Variants in IMPA2 observed in about 807,000 individuals in gnomAD.
IMPA2 encodes inositol monophosphatase 2.
Under a neutral mutation model 35.1 loss-of-function variants are expected in IMPA2, and 32 were observed. The ratio of observed to expected loss-of-function variants is 0.91; its 90% confidence interval spans 0.69 to 1.23. The LOEUF is 1.23. Ranked by LOEUF, IMPA2 falls within the 50% of genes most tolerant of loss-of-function variation. IMPA2 has a pLI of 0.00. For synonymous variants in IMPA2, 135 were observed against 160.6 expected (o/e 0.84, Z 1.20); for missense variants, 334 against 387.6 (o/e 0.86, Z 1.16).
At chr18:11,983,406 A>G (rs1906562426) in intron 1 of IMPA2, among the ~76,000 whole-genome samples, 2 of 152,226 alleles carry the variant, frequency 1.3e-5, no homozygotes, top group Admixed American at 6.5e-5. Context: ...AAGCCAGCTT[A>G]GGATTCAGAC....
Position 11,999,257 on chromosome 18 carries a change from G to T in IMPA2, c.230+70G>T. 2.1e-6 allele frequency: 3 copies of T among 1,463,016 alleles called. No individual in the cohort carries two copies. In the Admixed American group the frequency reaches 6.3e-5, roughly 31 times the overall value. The allele number at this position is 1,463,016 out of a possible 1,614,324, so 90.6% of individuals were successfully genotyped here. A position where few individuals can be genotyped will look rare whatever the true frequency, so the allele number is the denominator to read the frequency against. Reference sequence around the variant, plus strand: ...ACTCATAGAGAATGCAGGGTCTGCCGGGGTCAGGGGGCTCTGCTGTTTGTT... The same window carrying T: ...ACTCATAGAGAATGCAGGGTCTGCCTGGGTCAGGGGGCTCTGCTGTTTGTT... On this transcript the variant is annotated intron_variant, in intron 2 of 7. Transcript: ENST00000269159.
chr18:12,030,251 C>G, intron 7 of IMPA2, 92 bp from the exon 8 acceptor site: 1 of 906,226 alleles, frequency 1.1e-6, no homozygotes, highest in Non-Finnish European at 1.8e-6. Flanking sequence ...GTGCCATTTC[C>G]TGTGCTGTGT....
chr18:12,005,509 A>G (rs910532779), intron 2 of IMPA2, among the ~76,000 whole-genome samples: 8 of 152,232 alleles, frequency 5.3e-5, no homozygotes, highest in African/African-American at 1.7e-4. Flanking sequence ...AAAATTTCTA[A>G]AAGTACTTGC....
At position 12,020,593 on chromosome 18, in the gene IMPA2, A is replaced by G. The variant is rs1469962926; in HGVS notation, c.490+6220A>G. ...TTGTTTTTTGTCTTCTGGGACTTGA[A>G]TGTATGTTGGGCTTTCACTATCATT... is the stretch of plus-strand genomic sequence containing the variant. On this transcript the variant is annotated intron_variant, in intron 5 of 7. Transcript: ENST00000269159. Among the ~76,000 whole-genome samples, 3 of 152,052 alleles carry G rather than the reference A, an allele frequency of 2.0e-5. No homozygotes were observed. The South Asian group carries it at 6.2e-4, about 32-fold the overall frequency.
chr18:11,993,492 G>A (rs1175823965), intron 1 of IMPA2, among the ~76,000 whole-genome samples: 2 of 152,202 alleles, frequency 1.3e-5, no homozygotes. Context: ...GGTGTATATG[G>A]GTGCATGTCG....
chr18:12,000,048 C>T (rs1907073744), intron 2 of IMPA2, among the ~76,000 whole-genome samples: 2 of 152,156 alleles, frequency 1.3e-5, no homozygotes, highest in Admixed American at 6.5e-5. Context: ...GGATTTCTGG[C>T]TGTAGGGTAT....
At chr18:12,029,741 C>A (rs1907993653) in intron 7 of IMPA2, among the ~76,000 whole-genome samples, 1 of 152,198 alleles carries the variant, frequency 6.6e-6, no homozygotes, top group Non-Finnish European at 1.5e-5. Flanking sequence ...ATTTTAAAGC[C>A]CCCATCACTC....
intron 5 of IMPA2, among the ~76,000 whole-genome samples, chr18:12,022,183 C>T (rs1907748037): frequency 1.3e-5 from 2 of 152,080 alleles, no homozygotes; most frequent in African/African-American, 4.8e-5. Context: ...ACCTATTAAG[C>T]AAGAACTCCC....
chr18:12,027,024 G>A (rs1568039592), intron 5 of IMPA2, among the ~76,000 whole-genome samples: 2 of 152,246 alleles, frequency 1.3e-5, no homozygotes, highest in Admixed American at 6.5e-5. Context: ...GATTTCCTGG[G>A]TGAGCGGAGA....
At chr18:12,001,317 G>A (rs2143792966) in intron 2 of IMPA2, among the ~76,000 whole-genome samples, 1 of 152,298 alleles carries the variant, frequency 6.6e-6, no homozygotes, top group South Asian at 2.1e-4. Flanking sequence ...GCATGCTGCA[G>A]TAACGAGCCG....
At chr18:11,993,961 G>A (rs1413070132) in intron 1 of IMPA2, 2 of 152,246 alleles carry the variant, frequency 1.3e-5, no homozygotes, top group Non-Finnish European at 2.9e-5. Flanking sequence ...CTGCCCTGCT[G>A]GTAGGAGGTA....
chr18:12,003,404 C>T (rs1187840254), intron 2 of IMPA2, among the ~76,000 whole-genome samples: 1 of 151,636 alleles, frequency 6.6e-6, no homozygotes, highest in African/African-American at 2.4e-5. Flanking sequence ...CCAGCACTTT[C>T]AGAGGCCGAG....
chr18:12,002,728 C>T (rs1308359342), intron 2 of IMPA2, among the ~76,000 whole-genome samples: 1 of 145,062 alleles, frequency 6.9e-6, no homozygotes, highest in Non-Finnish European at 1.5e-5. Context: ...GCTGCCACTG[C>T]AGTCTAGCCT....
chr18:11,992,892 C>T (rs576847281), intron 1 of IMPA2, among the ~76,000 whole-genome samples: 2 of 152,192 alleles, frequency 1.3e-5, no homozygotes, highest in Non-Finnish European at 2.9e-5. Context: ...TTTAGAAATA[C>T]AGCACTTTTC....
chr18:11,984,220 G>A (rs575391008), intron 1 of IMPA2, among the ~76,000 whole-genome samples: 4 of 152,248 alleles, frequency 2.6e-5, no homozygotes, highest in African/African-American at 9.6e-5. Context: ...CCTGTCCCAG[G>A]CTCCCAATTC....
At chr18:12,005,462 C>T (rs946460851) in intron 2 of IMPA2, among the ~76,000 whole-genome samples, 1 of 150,352 alleles carries the variant, frequency 6.7e-6, no homozygotes, top group Non-Finnish European at 1.5e-5. Context: ...TCCAGCCTGG[C>T]TGACAAAGCG....
At chr18:11,996,135 T>C (rs1459612032) in intron 1 of IMPA2, among the ~76,000 whole-genome samples, 1 of 152,114 alleles carries the variant, frequency 6.6e-6, no homozygotes, top group Non-Finnish European at 1.5e-5. Context: ...TGGTAAGTTG[T>C]AGAAGGATCA....
intron 2 of IMPA2, among the ~76,000 whole-genome samples, chr18:12,007,786 CT>C (rs540939709): frequency 1.6e-5 from 2 of 123,372 alleles, no homozygotes; most frequent in Admixed American, 8.3e-5. Flanking sequence ...TCTTTCTTTT[CT>C]TTTTTTTGAG....
chr18:12,013,023 G>C (rs664515), intron 4 of IMPA2, among the ~76,000 whole-genome samples: 5 of 152,226 alleles, frequency 3.3e-5, no homozygotes, highest in Non-Finnish European at 7.3e-5. Context: ...AATGATTGAC[G>C]TCTTTCTCTG....
Sources: gnomAD v4.1 joint callset for allele counts (sites outside exome capture counted in the v4.1 genomes callset) on GRCh38, gnomAD v4.1.1 for gene constraint, MANE v1.5 for transcripts, NCBI Gene and HGNC (gene_info 2026-07-23, HGNC 2026-07-21) for gene names.